Variants in ALDH1A2 observed in about 807,000 individuals in gnomAD.
The protein encoded by ALDH1A2 is retinal dehydrogenase 2.
A neutral mutation model predicts 60.3 loss-of-function variants in ALDH1A2; 27 were observed. The observed-to-expected ratio is 0.45, with a 90% confidence interval of 0.33 to 0.62. ALDH1A2 has a LOEUF of 0.62. Among genes scored for constraint, ALDH1A2 ranks in the 20% least tolerant of loss-of-function variants. ALDH1A2 has a pLI of 0.02. For synonymous variants in ALDH1A2, 289 were observed against 232.4 expected (o/e 1.24, Z -2.21); for missense variants, 581 against 643.8 (o/e 0.90, Z 1.06).
intron 1 of ALDH1A2, among the ~76,000 whole-genome samples, chr15:58,034,470 A>G (rs1168540882): frequency 6.6e-6 from 1 of 151,586 alleles, no homozygotes; most frequent in Non-Finnish European, 1.5e-5. Context: ...TTCTTTTCTT[A>G]CTGCATTAAC....
chr15:57,966,346 A>G (rs1236651125), intron 7 of ALDH1A2, among the ~76,000 whole-genome samples: 1 of 152,248 alleles, frequency 6.6e-6, no homozygotes, highest in African/African-American at 2.4e-5. Flanking sequence ...GATACCAGAC[A>G]GTTGAGAATC....
intron 7 of ALDH1A2, 74 bp downstream of exon 7, chr15:57,992,631 A>G (rs1894933207): frequency 7.4e-7 from 1 of 1,343,906 alleles, no homozygotes; most frequent in Non-Finnish European, 1.1e-6. Context: ...TATGGGTACT[A>G]GTTTTATTGT....
At chr15:58,001,051 AAAG>A (rs1464031720) in intron 4 of ALDH1A2, among the ~76,000 whole-genome samples, 1 of 151,168 alleles carries the variant, frequency 6.6e-6, no homozygotes, top group Non-Finnish European at 1.5e-5. Flanking sequence ...AAAAAAAAAA[AAAG>A]AATGAAAACA....
chr15:57,962,133 C>G lies in ALDH1A2; in HGVS notation c.1130G>C (p.Ser377Thr). ...CAGCTTGGCGCCCTCAGCCACACCA[C>G]TCTGGATGAGTTCCAAGATCTTGTT... ...QYNKILELIQ[S>T]GVAEGAKLEC... Residue 377 changes from serine (S) to threonine (T), a missense_variant, in exon 10 of 13, where the codon AGT becomes ACT. This residue lies in a region of ALDH1A2 where 375 missense variants were observed against 469.7 expected (regional missense o/e 0.80). Coordinates refer to ENST00000249750, the MANE Select transcript of ALDH1A2 (RefSeq NM_003888.4). The G allele has an allele frequency of 6.2e-7, 1 of 1,614,170 alleles. No homozygotes were observed. The highest frequency in any genetic ancestry group is 8.5e-7 in the Non-Finnish European group (1 of 1,180,018).
Position 57,986,206 on chromosome 15 carries a change from G to C in ALDH1A2, c.798+6499C>G, listed in dbSNP as rs968503170. On this transcript the variant is annotated intron_variant, in intron 7 of 12. Transcript: ENST00000249750. The stretch of plus-strand genomic sequence containing the variant: ...AAACATTGGATATCAGGCAGTATGG[G>C]ACTATGAATCTAGAGAAAAGGAAAT... 2.0e-5 allele frequency among the ~76,000 whole-genome samples: 3 copies of C among 152,122 alleles called. No homozygotes were observed. In the East Asian group the frequency reaches 5.8e-4, roughly 29 times the overall value.
intron 7 of ALDH1A2, chr15:57,980,248 A>T: frequency 2.9e-6 from 1 of 341,132 alleles, no homozygotes; most frequent in African/African-American, 2.1e-5. Flanking sequence ...GCGGCCTCTT[A>T]GTCTTGACCT....
chr15:57,981,490 C>G (rs1305593569), intron 7 of ALDH1A2, among the ~76,000 whole-genome samples: 1 of 152,166 alleles, frequency 6.6e-6, no homozygotes, highest in Non-Finnish European at 1.5e-5. Flanking sequence ...CTAATAGTTA[C>G]TGAATTCTTA....
chr15:58,057,632 C>A (rs1426439014), intron 1 of ALDH1A2, among the ~76,000 whole-genome samples: 3 of 152,198 alleles, frequency 2.0e-5, no homozygotes, highest in Non-Finnish European at 4.4e-5. Context: ...TGTTCTTCTG[C>A]TGAGCTGGAA....
chr15:58,001,034 T>TAAAAAAAAAAAAAA (rs10641902), intron 4 of ALDH1A2, among the ~76,000 whole-genome samples: 6 of 126,236 alleles, frequency 4.8e-5, no homozygotes, highest in Non-Finnish European at 4.9e-5. Context: ...TCAAAATTGT[T>TAAAAAAAAAAAAAA]AAAAAAAAAA....
chr15:57,992,861 A>T (rs761496727), intron 6 of ALDH1A2, 43 bp from the exon 7 acceptor site: 2 of 1,613,754 alleles, frequency 1.2e-6, no homozygotes, highest in Admixed American at 3.3e-5. Context: ...ATGAAAGCTG[A>T]TGCATCATGT....
intron 4 of ALDH1A2, among the ~76,000 whole-genome samples, chr15:58,000,842 A>G (rs12595410): frequency 0.42 from 64,376 of 151,558 alleles, 14,650 homozygotes; most frequent in South Asian, 0.71. Flanking sequence ...TGATCCACAG[A>G]CCACACTCTG....
At chr15:57,984,642 T>C (rs1005299880) in intron 7 of ALDH1A2, among the ~76,000 whole-genome samples, 3 of 152,198 alleles carry the variant, frequency 2.0e-5, no homozygotes, top group African/African-American at 7.2e-5. Context: ...ATTCTTTCAT[T>C]TGGTATAGTG....
intron 7 of ALDH1A2, among the ~76,000 whole-genome samples, chr15:57,970,403 C>T (rs527776475): frequency 1.3e-5 from 2 of 152,208 alleles, no homozygotes; most frequent in Non-Finnish European, 2.9e-5. Context: ...CACAGTTCAA[C>T]TCTGACTCCC....
chr15:58,028,841 A>G (rs1315669202), intron 1 of ALDH1A2, among the ~76,000 whole-genome samples: 1 of 152,220 alleles, frequency 6.6e-6, no homozygotes, highest in African/African-American at 2.4e-5. Flanking sequence ...ATTCAACAAG[A>G]AGAGCTAACT....
chr15:57,980,311 A>T, intron 7 of ALDH1A2: 1 of 416,910 alleles, frequency 2.4e-6, no homozygotes. Flanking sequence ...TCCCACTCTC[A>T]AACAGGTTGT....
rs557258871 is a variant in ALDH1A2, at chr15:58,002,019, G to A, written c.494-6880C>T. 2.6e-5 allele frequency among the ~76,000 whole-genome samples: 4 copies of A among 151,934 alleles called. No homozygotes were observed. The East Asian group carries it at 7.8e-4, about 29-fold the overall frequency. ...GTCTCTTTTCCCTTTCACTCAGAAG[G>A]TAAAACGCAGACTAACAGATATTGC... On this transcript the variant is annotated intron_variant, in intron 4 of 12. Coordinates refer to ENST00000249750, the MANE Select transcript of ALDH1A2 (RefSeq NM_003888.4).
At chr15:58,002,857 T>TCCATTATGTATGTACTGTAGCAGATTC (rs1444078507) in intron 4 of ALDH1A2, among the ~76,000 whole-genome samples, 9 of 151,994 alleles carry the variant, frequency 5.9e-5, no homozygotes, top group African/African-American at 2.2e-4. Flanking sequence ...ATTGAACTAT[T>TCCATTATGTATGTACTGTAGCAGATTC]CCATTATGTA....
chr15:57,958,895 T>A (rs935396432), intron 12 of ALDH1A2, among the ~76,000 whole-genome samples: 19 of 152,162 alleles, frequency 1.2e-4, no homozygotes, highest in Non-Finnish European at 2.2e-4. Context: ...CCTAATTATT[T>A]TTTAACTGCA....
chr15:57,964,098 C>T lies in ALDH1A2; in HGVS notation c.902-29G>A, dbSNP rs4646625. 0.5 allele frequency: 799,671 copies of T among 1,612,232 alleles called. 204,209 individuals carry two copies. Among genetic ancestry groups the T allele is most frequent in the Non-Finnish European group, 0.54 (632,753 of 1,179,308 alleles). On this transcript the variant is annotated intron_variant, in intron 8 of 12. Coordinates refer to ENST00000249750, the MANE Select transcript of ALDH1A2 (RefSeq NM_003888.4). ...CAAGAGGAAACAGCCATGTTCTCAC[C>T]GCTTTGCCTGGGGAGGGGCCTGTCT...
Sources: allele counts gnomAD v4.1 joint callset (sites outside exome capture counted in the v4.1 genomes callset), GRCh38; gene constraint gnomAD v4.1.1; regional missense constraint gnomAD v4.1.1; transcripts MANE v1.5; gene names NCBI Gene and HGNC (gene_info 2026-07-23, HGNC 2026-07-21).